The following NTM variants were observed in gnomAD, a reference collection of about 807,000 sequenced individuals.
The protein encoded by NTM is neurotrimin, also known as IgLON family member 2.
Under a neutral mutation model 42.1 loss-of-function variants are expected in NTM, and 13 were observed. The ratio of observed to expected loss-of-function variants is 0.31; its 90% CI spans 0.20 to 0.49. The LOEUF (loss-of-function observed/expected upper bound fraction) is 0.49, where lower values mean the gene tolerates loss of function less well. NTM is among the 20% of genes least tolerant of loss of function. The probability of loss-of-function intolerance (pLI) is 0.99; values close to 1 mark genes in which losing one functional copy is unlikely to be tolerated. For synonymous variants in NTM, 187 were observed against 179.2 expected, an observed-to-expected ratio of 1.04 and a Z score of -0.35; for missense variants, 373 against 452.8, an observed-to-expected ratio of 0.82 and a Z score of 1.60.
intron 1 of NTM, among the ~76,000 whole-genome samples, chr11:131,519,628 G>A (rs1157596162): frequency 5.5e-5 from 8 of 145,310 alleles, no homozygotes; most frequent in East Asian, 4.2e-4. Flanking sequence ...AGGGAGCTGT[G>A]GAGTTAGTTA....
At position 132,150,301 on chromosome 11, in the gene NTM, C is replaced by T. The variant is rs552954340; in HGVS notation, c.400+3787C>T. 7.9e-5 allele frequency among the ~76,000 whole-genome samples: 12 copies of T among 152,276 alleles called. 1 individual carries two copies. In the South Asian group the frequency reaches 2.5e-3, roughly 32 times the overall value. ...GCTCCATCCCCATGGCCAGACATCT[C>T]CCATTAGGCCCCCACCTCCAATTTT... On this transcript the variant is annotated intron_variant, in intron 3 of 8. Transcript: ENST00000683400.
chr11:131,524,922 C>A (rs758554583), intron 1 of NTM, among the ~76,000 whole-genome samples: 1 of 152,210 alleles, frequency 6.6e-6, no homozygotes, highest in Non-Finnish European at 1.5e-5. Context: ...TAGTTCTTGC[C>A]TAATGGCACT....
At chr11:132,160,015 C>T (rs771960818) in intron 3 of NTM, among the ~76,000 whole-genome samples, 8 of 152,134 alleles carry the variant, frequency 5.3e-5, no homozygotes, top group Non-Finnish European at 1.2e-4. Context: ...AAATGGGAAA[C>T]AGACATGAAA....
intron 7 of NTM, among the ~76,000 whole-genome samples, chr11:132,315,249 G>A (rs1253283920): frequency 6.6e-6 from 1 of 152,132 alleles, no homozygotes; most frequent in Non-Finnish European, 1.5e-5. Flanking sequence ...GACATGAAGA[G>A]CCCCACCTTC....
intron 1 of NTM, among the ~76,000 whole-genome samples, chr11:131,881,867 C>T (rs1176223957): frequency 1.3e-5 from 2 of 152,158 alleles, no homozygotes; most frequent in African/African-American, 4.8e-5. Flanking sequence ...ATTGCTATTC[C>T]AAGTACAGGC....
intron 1 of NTM, among the ~76,000 whole-genome samples, chr11:131,589,873 G>A (rs1040204220): frequency 6.6e-6 from 1 of 152,070 alleles, no homozygotes; most frequent in Non-Finnish European, 1.5e-5. Flanking sequence ...TGGAGGGCTC[G>A]ATCCCCATAT....
At chr11:131,868,967 A>G (rs1304760140) in intron 1 of NTM, among the ~76,000 whole-genome samples, 1 of 152,176 alleles carries the variant, frequency 6.6e-6, no homozygotes, top group African/African-American at 2.4e-5. Context: ...TTGTGGGCAA[A>G]TGAATACAAG....
chr11:132,303,501 T>C (rs561917620), intron 4 of NTM, among the ~76,000 whole-genome samples: 29 of 152,306 alleles, frequency 1.9e-4, no homozygotes, highest in South Asian at 8.3e-4. Context: ...TAGATTAGGG[T>C]CTACCATAAT....
chr11:131,729,795 C>T (rs763755489), intron 1 of NTM, among the ~76,000 whole-genome samples: 21 of 151,882 alleles, frequency 1.4e-4, no homozygotes, highest in Admixed American at 9.2e-4. Flanking sequence ...TGTGGATATG[C>T]CATATTTTCT....
chr11:131,509,713 T>C (rs983196746), intron 1 of NTM, among the ~76,000 whole-genome samples: 2 of 152,234 alleles, frequency 1.3e-5, no homozygotes, highest in African/African-American at 4.8e-5. Context: ...CGCAGTGTCT[T>C]AGTCCATCCT....
chr11:131,415,008 C>T (rs942736227), intron 1 of NTM, among the ~76,000 whole-genome samples: 5 of 152,118 alleles, frequency 3.3e-5, no homozygotes, highest in African/African-American at 7.2e-5. Flanking sequence ...ATTGTGATGA[C>T]GCTGGTGTGC....
At chr11:131,579,547 A>C (rs1313278409) in intron 1 of NTM, among the ~76,000 whole-genome samples, 2 of 152,190 alleles carry the variant, frequency 1.3e-5, no homozygotes, top group Admixed American at 6.5e-5. Context: ...AACAAAATAG[A>C]GCTTTTAATG....
At chr11:131,548,431 T>C (rs1042134542) in intron 1 of NTM, among the ~76,000 whole-genome samples, 4 of 152,190 alleles carry the variant, frequency 2.6e-5, no homozygotes, top group African/African-American at 9.6e-5. Context: ...GGGTGAAGCC[T>C]GATCATCTTT....
intron 1 of NTM, among the ~76,000 whole-genome samples, chr11:131,815,361 A>G (rs1309576012): frequency 6.6e-6 from 1 of 151,678 alleles, no homozygotes; most frequent in Admixed American, 6.6e-5. Context: ...CCCACCCTCC[A>G]TCCCAGCCCT....
intron 1 of NTM, among the ~76,000 whole-genome samples, chr11:131,726,699 AC>A (rs2079012245): frequency 6.6e-6 from 1 of 150,654 alleles, no homozygotes; most frequent in Non-Finnish European, 1.5e-5. Context: ...GAACCCAGTC[AC>A]CCCATTGCTC....
At chr11:132,103,055 C>G (rs1458374166) in intron 2 of NTM, among the ~76,000 whole-genome samples, 1 of 152,228 alleles carries the variant, frequency 6.6e-6, no homozygotes, top group Non-Finnish European at 1.5e-5. Context: ...CATAGAAAAG[C>G]AACTGATGCC....
At chr11:131,580,195 A>G (rs1187056593) in intron 1 of NTM, among the ~76,000 whole-genome samples, 1 of 152,122 alleles carries the variant, frequency 6.6e-6, no homozygotes, top group Non-Finnish European at 1.5e-5. Context: ...CTCACTTCCT[A>G]TATTTATAAA....
intron 2 of NTM, among the ~76,000 whole-genome samples, chr11:132,004,554 G>T (rs2070252085): frequency 6.6e-6 from 1 of 151,312 alleles, no homozygotes; most frequent in Non-Finnish European, 1.5e-5. Flanking sequence ...TCTGTAATAG[G>T]TTAGCAGAAA....
chr11:131,554,566 G>T (rs2055144485), intron 1 of NTM, among the ~76,000 whole-genome samples: 1 of 151,134 alleles, frequency 6.6e-6, no homozygotes, highest in African/African-American at 2.4e-5. Flanking sequence ...AAAAACTCAT[G>T]GGTACAAGGA....
Sources: allele counts gnomAD v4.1 joint callset (sites outside exome capture counted in the v4.1 genomes callset), GRCh38; gene constraint gnomAD v4.1.1; transcripts MANE v1.5; gene names NCBI Gene and HGNC (gene_info 2026-07-23, HGNC 2026-07-21).